The following SYDE2 variants were observed in gnomAD, a reference collection of about 807,000 sequenced individuals.
The protein encoded by SYDE2 is synapse defective Rho GTPase homolog 2.
In SYDE2, 76 loss-of-function variants were observed where a neutral mutation model predicts 91.5. That is an observed-to-expected ratio of 0.83 (90% CI 0.69 to 1.01). The LOEUF (loss-of-function observed/expected upper bound fraction) is 1.01, where lower values mean the gene tolerates loss of function less well. Ranked by LOEUF, SYDE2 falls within the 50% of genes least tolerant of loss-of-function variation. The pLI, the probability that SYDE2 is intolerant of heterozygous loss-of-function variation, is 0.00. For synonymous variants in SYDE2, 513 were observed against 506.4 expected (o/e 1.01, Z -0.18); for missense variants, 1,364 against 1,367.7 (o/e 1.00, Z 0.04).
In SYDE2 at chr1:85,200,495, G is replaced by T; in HGVS notation, c.502C>A (p.Arg168Ser). 1 of 1,613,750 alleles carries T rather than the reference G, an allele frequency of 6.2e-7. No homozygotes were observed. ...FRDPAGSSVI[R>S]SGKGDRQEGP... ...TCCTGGCGGTCTCCTTTGCCACTGC[G>T]TATCACAGAGGACCCCGCTGGATCC... The change falls in exon 1 of 7, where the codon CGC becomes AGC. Residue 168 changes from arginine (R) to serine (S), a missense_variant. Physicochemically the swap from Arg to Ser is moderately radical, Grantham distance 110 (BLOSUM62 -1). Transcript: ENST00000341460.
Position 85,182,348 on chromosome 1 carries a change from A to G in SYDE2, c.2294T>C (p.Val765Ala). 1 of 1,613,938 alleles carries G rather than the reference A, an allele frequency of 6.2e-7. No individual in the cohort carries two copies. The highest frequency in any genetic ancestry group is 8.5e-7 in the Non-Finnish European group (1 of 1,179,850). ...KNRVCCHGTV[V>A]LPTLFRVTKT... ...TGTCACTCTAAATAAGGTGGGAAGA[A>G]CAACAGTTCCATGACAACAAACTCG... The change falls in exon 3 of 7, where the codon GTT becomes GCT. Residue 765 changes from valine to alanine, a missense_variant. Coordinates refer to ENST00000341460, the MANE Select transcript of SYDE2 (RefSeq NM_032184.2).
chr1:85,194,331 TATAA>T (rs1425370600), intron 1 of SYDE2, among the ~76,000 whole-genome samples: 2 of 150,248 alleles, frequency 1.3e-5, no homozygotes, highest in South Asian at 2.1e-4. Context: ...ATTCATAAAT[TATAA>T]ATATTTTTGT....
intron 6 of SYDE2, among the ~76,000 whole-genome samples, chr1:85,162,500 G>C (rs570151711): frequency 2.0e-5 from 3 of 152,176 alleles, no homozygotes; most frequent in African/African-American, 7.2e-5. Flanking sequence ...CCTGTTTTTT[G>C]TCTGAGGTAC....
At chr1:85,189,255 C>G (rs1658266460) in intron 2 of SYDE2, among the ~76,000 whole-genome samples, 1 of 152,128 alleles carries the variant, frequency 6.6e-6, no homozygotes, top group Non-Finnish European at 1.5e-5. Flanking sequence ...AGTTCCATAA[C>G]TACTGTAGCA....
chr1:85,200,891 C>T lies in SYDE2; in HGVS notation c.106G>A (p.Gly36Ser), dbSNP rs940393566. 4 of 1,333,232 alleles carry T rather than the reference C, an allele frequency of 3.0e-6. No homozygotes were observed. Among genetic ancestry groups the T allele is most frequent in the South Asian group, 2.1e-5 (1 of 47,650 alleles). The allele number at this position is 1,333,232 out of a possible 1,614,324, so 82.6% of individuals were successfully genotyped here. A position where few individuals can be genotyped will look rare whatever the true frequency, so the allele number is the denominator to read the frequency against. The change falls in exon 1 of 7, where the codon GGC (glycine) becomes AGC (serine). Residue 36 changes from glycine to serine, a missense_variant. Transcript: ENST00000341460. ...ARAPGQPPSR[G>S]AAYRRACPRD... is the part of the protein sequence containing the mutation. Reference sequence around the variant, plus strand: ...GGGCAGGCTCGGCGGTACGCGGCGCCGCGGGAAGGCGGCTGGCCCGGAGCC... The same window carrying T: ...GGGCAGGCTCGGCGGTACGCGGCGCTGCGGGAAGGCGGCTGGCCCGGAGCC...
intron 5 of SYDE2, among the ~76,000 whole-genome samples, 161 bp downstream of exon 5, chr1:85,168,883 G>A (rs1034768985): frequency 1.3e-5 from 2 of 152,164 alleles, no homozygotes; most frequent in Non-Finnish European, 2.9e-5. Context: ...TTCTGTTTAA[G>A]AAGCTTTTAC....
At position 85,190,438 on chromosome 1, in the gene SYDE2, A is replaced by T. The variant is rs201367513; in HGVS notation, c.1060T>A (p.Cys354Ser). The T allele has an allele frequency of 6.2e-7, 1 of 1,613,758 alleles. No homozygotes were observed. The highest frequency in any genetic ancestry group is 8.5e-7 in the Non-Finnish European group (1 of 1,179,854). The change falls in exon 2 of 7, where the codon TGT becomes AGT. Residue 354 changes from cysteine (C) to serine (S), a missense_variant. By Grantham distance (112) the Cys-to-Ser change is moderately radical. Transcript: ENST00000341460. ...NATNSSLSKNCALDFNEENDA... is the reference protein window; with the variant it reads ...NATNSSLSKNSALDFNEENDA... ...TTTTCCTCATTAAAATCTAAAGCACAGTTTTTCGATAATGAAGAGTTTGTA... is the reference window on the plus strand; with the variant it reads ...TTTTCCTCATTAAAATCTAAAGCACTGTTTTTCGATAATGAAGAGTTTGTA...
At chr1:85,181,139 ATTTTTTTTTTTTTTTTTTT>A (rs754597194) in intron 3 of SYDE2, 16 of 64,356 alleles carry the variant, frequency 2.5e-4, no homozygotes, top group African/African-American at 8.0e-4. Flanking sequence ...AAGCTACTCC[ATTTTTTTTTTTTTTTTTTT>A]TTTTTTTTTT....
At chr1:85,197,583 T>C (rs545374419) in intron 1 of SYDE2, among the ~76,000 whole-genome samples, 5 of 152,172 alleles carry the variant, frequency 3.3e-5, no homozygotes, top group Non-Finnish European at 5.9e-5. Flanking sequence ...TGACATCAAT[T>C]TCAAGTAAGT....
At chr1:85,162,358 C>A (rs1657093584) in intron 6 of SYDE2, among the ~76,000 whole-genome samples, 1 of 152,260 alleles carries the variant, frequency 6.6e-6, no homozygotes, top group South Asian at 2.1e-4. Context: ...TAGTCTTTGC[C>A]ACATTCTCTA....
Position 85,183,040 on chromosome 1 carries a change from T to A in SYDE2, c.1602A>T (p.Lys534Asn), listed in dbSNP as rs934461468. The A allele has an allele frequency of 1.2e-6, 2 of 1,613,216 alleles. No individual in the cohort carries two copies. Among genetic ancestry groups the A allele is most frequent in the Non-Finnish European group, 1.7e-6 (2 of 1,179,728 alleles). The change falls in exon 3 of 7, where the codon AAA becomes AAT. Residue 534 changes from lysine to asparagine, a missense_variant. Lys to Asn is a moderately conservative substitution (Grantham distance 94). Transcript: ENST00000341460. ...RTVRKLSMKM[K>N]KLPEFSRKLS... ...GCTTTCGGCTAAATTCTGGCAACTT[T>A]TTCATTTTCATGGAAAGTTTCCTCA... is the stretch of plus-strand genomic sequence containing the variant.
At chr1:85,197,297 C>G (rs2100696898) in intron 1 of SYDE2, among the ~76,000 whole-genome samples, 1 of 152,216 alleles carries the variant, frequency 6.6e-6, no homozygotes, top group East Asian at 1.9e-4. Flanking sequence ...AGCCAGAAAT[C>G]AAAATAGAAA....
intron 1 of SYDE2, 84 bp from the exon 2 acceptor site, chr1:85,190,836 A>G: frequency 8.4e-7 from 1 of 1,187,048 alleles, no homozygotes. Context: ...TATTTAAAAA[A>G]ATTTTTTTAA....
intron 1 of SYDE2, among the ~76,000 whole-genome samples, chr1:85,198,101 A>G (rs1353116945): frequency 6.6e-6 from 1 of 152,236 alleles, no homozygotes; most frequent in Non-Finnish European, 1.5e-5. Flanking sequence ...TAATTGGATC[A>G]GACCTTTAAA....
At chr1:85,188,773 A>G (rs1307585371) in intron 2 of SYDE2, among the ~76,000 whole-genome samples, 1 of 152,218 alleles carries the variant, frequency 6.6e-6, no homozygotes, top group Non-Finnish European at 1.5e-5. Flanking sequence ...GCTGCCCTGC[A>G]GAGATTCTCT....
chr1:85,183,270 AC>A, intron 2 of SYDE2, 70 bp from the exon 3 acceptor site: 1 of 1,384,206 alleles, frequency 7.2e-7, no homozygotes, highest in South Asian at 1.7e-5. Flanking sequence ...TATTTTATAA[AC>A]CATCAACTAA....
chr1:85,169,317 C>G (rs553987062), intron 4 of SYDE2, 92 bp from the exon 5 acceptor site: 41 of 858,292 alleles, frequency 4.8e-5, no homozygotes, highest in African/African-American at 2.1e-4. Flanking sequence ...GTATTATAGC[C>G]AACTTTCAAC....
intron 4 of SYDE2, among the ~76,000 whole-genome samples, chr1:85,175,286 G>A (rs1570246584): frequency 6.6e-6 from 1 of 152,338 alleles, no homozygotes; most frequent in Middle Eastern, 3.4e-3. Flanking sequence ...GATCTCCTGA[G>A]TTCAGGAATT....
intron 2 of SYDE2, among the ~76,000 whole-genome samples, chr1:85,189,805 A>G (rs1175893596): frequency 3.3e-5 from 5 of 152,222 alleles, no homozygotes; most frequent in Non-Finnish European, 7.3e-5. Flanking sequence ...ACTGCACTCT[A>G]GCCTGGGTGA....
Sources: allele counts gnomAD v4.1 joint callset (sites outside exome capture counted in the v4.1 genomes callset), GRCh38; gene constraint gnomAD v4.1.1; transcripts MANE v1.5; gene names NCBI Gene and HGNC (gene_info 2026-07-23, HGNC 2026-07-21).